The following PRIM2 variants were observed in gnomAD, a reference collection of about 807,000 sequenced individuals.
PRIM2 encodes the protein DNA primase subunit 2, also known as DNA primase large subunit.
In PRIM2, 39 loss-of-function variants were observed where a neutral mutation model predicts 67.3. The observed-to-expected ratio is 0.58, with a 90% CI of 0.45 to 0.76. The LOEUF (loss-of-function observed/expected upper bound fraction) is 0.76. Among genes scored for constraint, PRIM2 ranks in the 30% least tolerant of loss-of-function variants. PRIM2 has a pLI of 0.00. For missense variants in PRIM2, 398 were observed against 598.7 expected, an observed-to-expected ratio of 0.66 and a Z score of 3.50; for synonymous variants, 143 against 198.7, an observed-to-expected ratio of 0.72 and a Z score of 2.36.
the PRIM2 span, among the ~76,000 whole-genome samples, chr6:57,282,547 T>C: frequency 6.6e-6 from 1 of 152,194 alleles, no homozygotes. Context: ...AATTCATATG[T>C]TGAATTCCTA....
In PRIM2 at chr6:57,628,743, A is replaced by AT. The variant is rs1167182975; in HGVS notation, c.1231-3381dup. Among the ~76,000 whole-genome samples the AT allele has an allele frequency of 7.9e-4, 119 of 151,312 alleles. 1 individual carries two copies. Among genetic ancestry groups the AT allele is most frequent in the Middle Eastern group, 3.4e-3 (1 of 292 alleles). ...TTTAAGTGAGAACATGTGGTATTTG[A>AT]TTTTTTTTTCCTGCATTAATTTGCT... On this transcript the variant is annotated intron_variant, in intron 12 of 13. Transcript: ENST00000615550.
intron 7 of PRIM2, among the ~76,000 whole-genome samples, chr6:57,468,671 G>A (rs1362526206): frequency 3.0e-4 from 45 of 152,182 alleles, no homozygotes; most frequent in African/African-American, 1.1e-3. Context: ...TGGGGCCCCC[G>A]TTCTAAGTAC....
In PRIM2 at chr6:57,510,289, G is replaced by C. The variant is rs1554347578; in HGVS notation, c.761+2835G>C. Among the ~76,000 whole-genome samples, 1,422 of 152,158 alleles carry C rather than the reference G, an allele frequency of 9.3e-3. 9 individuals carry two copies. Among genetic ancestry groups the C allele is most frequent in the Non-Finnish European group, 0.016 (1,059 of 67,970 alleles). On this transcript the variant is annotated intron_variant, in intron 8 of 13. Transcript: ENST00000615550. Reference sequence around the variant, plus strand: ...ATACAAGTTATATTAGTGAAATTTTGTTGTTTTTTTCTGCATAAAGTTTTT... The same window carrying C: ...ATACAAGTTATATTAGTGAAATTTTCTTGTTTTTTTCTGCATAAAGTTTTT...
chr6:57,585,288 A>G (rs1319512088), intron 10 of PRIM2, among the ~76,000 whole-genome samples: 3 of 152,226 alleles, frequency 2.0e-5, no homozygotes, highest in Admixed American at 6.5e-5. Flanking sequence ...TAGTAACTCT[A>G]AAGTATTGAG....
At chr6:57,522,074 A>G (rs1774637082) in intron 8 of PRIM2, among the ~76,000 whole-genome samples, 2 of 151,912 alleles carry the variant, frequency 1.3e-5, no homozygotes, top group Middle Eastern at 3.4e-3. Flanking sequence ...CAGAGAAACA[A>G]TTCAGGTTAC....
At chr6:57,600,206 C>T (rs1286518997) in intron 10 of PRIM2, among the ~76,000 whole-genome samples, 3 of 152,112 alleles carry the variant, frequency 2.0e-5, no homozygotes, top group Non-Finnish European at 2.9e-5. Flanking sequence ...TGACTCAATT[C>T]AAAGTCCCTT....
chr6:57,622,291 CT>C (rs1776872823), intron 12 of PRIM2, among the ~76,000 whole-genome samples: 1 of 152,034 alleles, frequency 6.6e-6, no homozygotes, highest in Non-Finnish European at 1.5e-5. Flanking sequence ...CTTATTTTTA[CT>C]GTTTTAATTG....
At chr6:57,616,614 G>A (rs1470842848) in intron 12 of PRIM2, among the ~76,000 whole-genome samples, 3 of 152,016 alleles carry the variant, frequency 2.0e-5, no homozygotes, top group Admixed American at 2.0e-4. Context: ...AATTATATAT[G>A]GTAACAGATT....
chr6:57,566,357 C>T (rs1447707333), intron 10 of PRIM2, among the ~76,000 whole-genome samples: 1 of 152,046 alleles, frequency 6.6e-6, no homozygotes, highest in African/African-American at 2.4e-5. Context: ...AAGTCTTCAT[C>T]TAATGGTTTG....
the PRIM2 span, among the ~76,000 whole-genome samples, chr6:57,249,812 A>T: frequency 1.3e-5 from 2 of 152,236 alleles, no homozygotes; most frequent in African/African-American, 4.8e-5. Context: ...TACAAATAGG[A>T]TGGAGACTGG....
intron 7 of PRIM2, among the ~76,000 whole-genome samples, chr6:57,476,640 T>C (rs1221877272): frequency 6.6e-6 from 1 of 152,244 alleles, no homozygotes; most frequent in African/African-American, 2.4e-5. Flanking sequence ...AGATGAATTT[T>C]CAGATGTATA....
chr6:57,457,451 T>C (rs1317990469), intron 7 of PRIM2, among the ~76,000 whole-genome samples: 23 of 152,198 alleles, frequency 1.5e-4, no homozygotes, highest in African/African-American at 5.5e-4. Flanking sequence ...TGGAGCTTCC[T>C]GACCCCTTTG....
chr6:57,453,984 T>G (rs1364478525), intron 7 of PRIM2, among the ~76,000 whole-genome samples: 2 of 152,008 alleles, frequency 1.3e-5, no homozygotes, highest in African/African-American at 4.8e-5. Context: ...TTATTGAGAG[T>G]TTTTAGCATG....
chr6:57,326,486 T>TGA (rs1767862024), intron 5 of PRIM2: 1 of 153,588 alleles, frequency 6.5e-6, no homozygotes, highest in African/African-American at 2.4e-5. Flanking sequence ...TTTGGGAGTC[T>TGA]GTGGTGGGCA....
the PRIM2 span, among the ~76,000 whole-genome samples, chr6:57,236,628 A>G: frequency 6.6e-6 from 1 of 150,686 alleles, no homozygotes; most frequent in Admixed American, 6.6e-5. Context: ...AGGTGTTCTC[A>G]TTGTTCAATT....
chr6:57,486,921 T>C (rs1160384083), intron 7 of PRIM2, among the ~76,000 whole-genome samples: 7 of 152,214 alleles, frequency 4.6e-5, no homozygotes, highest in East Asian at 1.9e-4. Flanking sequence ...ATTTGATTTC[T>C]TCTAGTGTGA....
chr6:57,603,949 T>C (rs1776517613), intron 11 of PRIM2, among the ~76,000 whole-genome samples: 1 of 152,216 alleles, frequency 6.6e-6, no homozygotes, highest in Non-Finnish European at 1.5e-5. Context: ...TGGTGGCTAC[T>C]GTAAACAGAA....
intron 8 of PRIM2, among the ~76,000 whole-genome samples, chr6:57,523,014 T>C (rs1468477731): frequency 1.3e-5 from 2 of 152,178 alleles, no homozygotes; most frequent in Non-Finnish European, 2.9e-5. Flanking sequence ...ACATTTTATG[T>C]GATAGTATGA....
chr6:57,496,687 T>C (rs1364722061), intron 7 of PRIM2, among the ~76,000 whole-genome samples: 1 of 152,200 alleles, frequency 6.6e-6, no homozygotes, highest in African/African-American at 2.4e-5. Context: ...ATGGTATAGA[T>C]GTTTAGGAGA....
Sources: gnomAD v4.1 joint callset for allele counts (sites outside exome capture counted in the v4.1 genomes callset) on GRCh38, gnomAD v4.1.1 for gene constraint, MANE v1.5 for transcripts, NCBI Gene and HGNC (gene_info 2026-07-23, HGNC 2026-07-21) for gene names.